Variants in KLHL1 observed in about 807,000 individuals in gnomAD.
KLHL1 encodes the protein kelch-like protein 1.
Under a neutral mutation model 77.7 loss-of-function variants are expected in KLHL1, and 47 were observed. The observed-to-expected ratio is 0.60, with a 90% CI of 0.48 to 0.77. The LOEUF (loss-of-function observed/expected upper bound fraction) is 0.77. Ranked by LOEUF, KLHL1 falls within the 30% of genes least tolerant of loss-of-function variation. The pLI is 0.00. For missense variants in KLHL1, 925 were observed against 910.8 expected (o/e 1.02, Z -0.20); for synonymous variants, 360 against 325.2 (o/e 1.11, Z -1.15).
At position 69,837,659 on chromosome 13, in the gene KLHL1, T is replaced by TACATAC. The variant is rs1566309089; in HGVS notation, c.1414+1316_1414+1317insGTATGT. Among the ~76,000 whole-genome samples, 306 of 132,528 alleles carry TACATAC rather than the reference T, an allele frequency of 2.3e-3. 9 individuals are homozygous for TACATAC. Among genetic ancestry groups the TACATAC allele is most frequent in the African/African-American group, 8.8e-3 (283 of 32,294 alleles). The allele number at this position is 132,528 out of a possible 152,430, so 86.9% of individuals were successfully genotyped here. A position where few individuals can be genotyped will look rare whatever the true frequency, so the allele number is the denominator to read the frequency against. ...ATATATATATGTGTATATATATATG[T>TACATAC]GTGTGTGTGTGTATATATATATATA... On this transcript the variant is annotated intron_variant, in intron 6 of 10. Coordinates refer to ENST00000377844, the MANE Select transcript of KLHL1 (RefSeq NM_020866.3).
At chr13:69,800,518 ATTGATT>A (rs1317002892) in intron 6 of KLHL1, among the ~76,000 whole-genome samples, 5 of 152,132 alleles carry the variant, frequency 3.3e-5, no homozygotes, top group African/African-American at 1.2e-4. Flanking sequence ...AGCCAATACA[ATTGATT>A]TTCTTATTCA....
chr13:69,765,355 T>C (rs1294943793), intron 7 of KLHL1, among the ~76,000 whole-genome samples: 1 of 152,182 alleles, frequency 6.6e-6, no homozygotes, highest in African/African-American at 2.4e-5. Context: ...TCAAGATTTG[T>C]ATACTAATAG....
In KLHL1 at chr13:69,961,550, A is replaced by G. The variant is rs2482554; in HGVS notation, c.681-106T>C. On this transcript the variant is annotated intron_variant, in intron 2 of 10. Transcript: ENST00000377844. ...ACAAAATCAATCTATTGATCAATCAATTAATGCATTTTATTTATTGCCTCA... is the reference window on the plus strand; with the variant it reads ...ACAAAATCAATCTATTGATCAATCAGTTAATGCATTTTATTTATTGCCTCA... The G allele has an allele frequency of 1.4e-3, 1,698 of 1,182,166 alleles. 21 individuals are homozygous for G. In the African/African-American group the frequency reaches 0.023, roughly 16 times the overall value. The allele number at this position is 1,182,166 out of a possible 1,614,324, so 73.2% of individuals were successfully genotyped here.
At chr13:69,816,466 G>A (rs1262210665) in intron 6 of KLHL1, among the ~76,000 whole-genome samples, 1 of 151,422 alleles carries the variant, frequency 6.6e-6, no homozygotes, top group Non-Finnish European at 1.5e-5. Context: ...GTTTCACCAT[G>A]TTGGCCAGGC....
At chr13:69,893,191 G>A (rs1235398229) in intron 4 of KLHL1, among the ~76,000 whole-genome samples, 3 of 151,122 alleles carry the variant, frequency 2.0e-5, no homozygotes, top group African/African-American at 4.9e-5. Context: ...TAAAAAAATT[G>A]GAATAAAGTG....
chr13:69,765,133 G>C (rs1317895435), intron 7 of KLHL1, among the ~76,000 whole-genome samples: 1 of 150,892 alleles, frequency 6.6e-6, no homozygotes, highest in Non-Finnish European at 1.5e-5. Flanking sequence ...TATTTTTCGA[G>C]TAGAGATGGG....
intron 6 of KLHL1, among the ~76,000 whole-genome samples, chr13:69,801,025 C>T (rs1048724920): frequency 1.3e-5 from 2 of 152,298 alleles, no homozygotes; most frequent in African/African-American, 4.8e-5. Flanking sequence ...AGTCGAATTA[C>T]TCTGTGCGTA....
chr13:69,979,275 AG>A (rs1411204405), intron 1 of KLHL1, among the ~76,000 whole-genome samples: 3 of 151,946 alleles, frequency 2.0e-5, no homozygotes, highest in South Asian at 4.1e-4. Flanking sequence ...CTTCTCTTCA[AG>A]GTCATTAATC....
At chr13:70,049,433 C>G (rs1050416296) in intron 1 of KLHL1, among the ~76,000 whole-genome samples, 1 of 152,140 alleles carries the variant, frequency 6.6e-6, no homozygotes, top group Non-Finnish European at 1.5e-5. Context: ...TGCTACCTGA[C>G]GTCGATCTGA....
intron 4 of KLHL1, among the ~76,000 whole-genome samples, chr13:69,913,824 G>A (rs1313062441): frequency 6.6e-6 from 1 of 152,112 alleles, no homozygotes; most frequent in Non-Finnish European, 1.5e-5. Flanking sequence ...AATCCTGAGT[G>A]TCAGCTTGAT....
At chr13:70,044,382 C>T (rs1409423573) in intron 1 of KLHL1, among the ~76,000 whole-genome samples, 4 of 152,140 alleles carry the variant, frequency 2.6e-5, no homozygotes, top group Non-Finnish European at 5.9e-5. Context: ...ACTATTTAGC[C>T]ATTTCTTATC....
chr13:69,987,016 AAT>A (rs553727508), intron 1 of KLHL1, among the ~76,000 whole-genome samples: 81 of 150,146 alleles, frequency 5.4e-4, no homozygotes, highest in South Asian at 2.1e-3. Flanking sequence ...AACAAGATAA[AAT>A]ATATGTTTAT....
At chr13:69,893,875 T>G (rs543283914) in intron 4 of KLHL1, among the ~76,000 whole-genome samples, 77 of 152,302 alleles carry the variant, frequency 5.1e-4, no homozygotes, top group Admixed American at 3.0e-3. Flanking sequence ...CACCCTTTTT[T>G]GGGAAACACA....
chr13:69,751,526 C>G (rs1014427100), intron 7 of KLHL1, among the ~76,000 whole-genome samples: 1 of 152,020 alleles, frequency 6.6e-6, no homozygotes, highest in South Asian at 2.1e-4. Context: ...AGAAGAAACA[C>G]TCGTGTTGTG....
At position 69,796,797 on chromosome 13, in the gene KLHL1, T is replaced by C; in HGVS notation, c.1580A>G (p.Asn527Ser). ...GACAGTCCATGTCTTGGTTTTGGGA[T>C]TGTAACATTCAACAGTGTTCAATGT... ...LKTLNTVECY[N>S]PKTKTWTVLP... Residue 527 changes from asparagine to serine, a missense_variant, in exon 7 of 11, where the codon AAT becomes AGT. Asn to Ser is a conservative substitution (Grantham distance 46). Coordinates refer to ENST00000377844, the MANE Select transcript of KLHL1 (RefSeq NM_020866.3). 2.5e-6 allele frequency: 4 copies of C among 1,614,188 alleles called. No homozygotes were observed. Among genetic ancestry groups the C allele is most frequent in the Non-Finnish European group, 3.4e-6 (4 of 1,180,020 alleles).
chr13:69,853,255 G>C (rs3012111), intron 5 of KLHL1, among the ~76,000 whole-genome samples: 140,313 of 151,736 alleles, frequency 0.92, 65,077 homozygotes, highest in East Asian at 0.99. Context: ...TAATGGGGGC[G>C]TTCACCCTCA....
At chr13:69,746,519 T>C (rs1386112389) in intron 7 of KLHL1, among the ~76,000 whole-genome samples, 1 of 152,066 alleles carries the variant, frequency 6.6e-6, no homozygotes, top group East Asian at 1.9e-4. Context: ...TCTTTGACTT[T>C]GGTTATTTAA....
intron 6 of KLHL1, among the ~76,000 whole-genome samples, chr13:69,797,662 CA>C (rs377653781): frequency 0.065 from 7,794 of 119,798 alleles, 278 homozygotes; most frequent in African/African-American, 0.11. Flanking sequence ...ACTAAAAATA[CA>C]AAAAAAAAAA....
rs1400154515 is a variant in KLHL1 at position 70,107,472 on chromosome 13, G to T, written c.228C>A (p.Ser76=). ...STFWKKPSSS[S]SSSSSPSSSS... ...AAGAGGACGGGGAGGACGATGAAGA[G>T]GAAGAGGAGGAAGGCTTCTTCCAGA... The change falls in exon 1 of 11, where the codon TCC becomes TCA. Residue 76 remains serine (S), a synonymous_variant. Transcript: ENST00000377844. 6.2e-7 allele frequency: 1 copy of T among 1,613,996 alleles called. No homozygotes were observed. The highest frequency in any genetic ancestry group is 1.3e-5 in the African/African-American group (1 of 74,920).
Sources: allele counts gnomAD v4.1 joint callset (sites outside exome capture counted in the v4.1 genomes callset), GRCh38; gene constraint gnomAD v4.1.1; transcripts MANE v1.5; gene names NCBI Gene and HGNC (gene_info 2026-07-23, HGNC 2026-07-21).